Variants in HDLBP observed in about 807,000 individuals in gnomAD.
The protein encoded by HDLBP is high density lipoprotein binding protein.
A neutral mutation model predicts 137.3 loss-of-function variants in HDLBP; 30 were observed. The observed-to-expected ratio is 0.22, with a 90% CI of 0.16 to 0.30. The LOEUF (loss-of-function observed/expected upper bound fraction) is 0.30, where lower values mean the gene tolerates loss of function less well. Ranked by LOEUF, HDLBP falls within the 10% of genes least tolerant of loss-of-function variation. The probability of loss-of-function intolerance (pLI) is 1.00; values close to 1 mark genes in which losing one functional copy is unlikely to be tolerated. For missense variants in HDLBP, 1,119 were observed against 1,667.3 expected, an observed-to-expected ratio of 0.67 and a Z score of 5.73; for synonymous variants, 606 against 596.0, an observed-to-expected ratio of 1.02 and a Z score of -0.24.
intron 1 of HDLBP, among the ~76,000 whole-genome samples, chr2:241,294,129 T>C (rs1275031792): frequency 2.0e-5 from 3 of 152,218 alleles, no homozygotes; most frequent in Non-Finnish European, 2.9e-5. Context: ...TTGTATCTTC[T>C]GGTAGCTCCC....
chr2:241,280,199 A>C, intron 1 of HDLBP: 1 of 826,318 alleles, frequency 1.2e-6, no homozygotes, highest in Non-Finnish European at 1.5e-6. Flanking sequence ...AAAGCTGAAA[A>C]TTTAAAATTA....
Position 241,229,264 on chromosome 2 carries a change from AG to A in HDLBP, c.*336del. 3.6e-6 allele frequency: 1 copy of A among 281,462 alleles called. No homozygotes were observed. The highest frequency in any genetic ancestry group is 6.9e-6 in the Non-Finnish European group (1 of 144,848). The allele number at this position is 281,462 out of a possible 1,614,324, so 17.4% of individuals were successfully genotyped here. ...TATTTCCTGAGGTCATGACACAGGA[AG>A]TGGAATCCTAGCCACGGCTGCGGAG... On this transcript the variant is annotated 3_prime_UTR_variant, in exon 28 of 28. Coordinates refer to ENST00000310931, the MANE Select transcript of HDLBP (RefSeq NM_005336.6).
At chr2:241,232,259 A>G (rs1559473252) in intron 24 of HDLBP, among the ~76,000 whole-genome samples, 1 of 151,526 alleles carries the variant, frequency 6.6e-6, no homozygotes, top group Non-Finnish European at 1.5e-5. Flanking sequence ...GGAATAGTCT[A>G]ATTGCTAAAC....
chr2:241,234,736 C>T (rs1278723734), intron 23 of HDLBP, among the ~76,000 whole-genome samples: 4 of 152,190 alleles, frequency 2.6e-5, no homozygotes, highest in East Asian at 3.9e-4. Flanking sequence ...GGAAGTCATT[C>T]GCCCTTTGAC....
Position 241,230,207 on chromosome 2 carries a change from G to C in HDLBP, c.3537C>G (p.Leu1179=). 2 of 1,613,606 alleles carry C rather than the reference G, an allele frequency of 1.2e-6. No individual in the cohort carries two copies. Among genetic ancestry groups the C allele is most frequent in the Non-Finnish European group, 1.7e-6 (2 of 1,179,684 alleles). Residue 1179 remains leucine, a synonymous_variant, in exon 26 of 28, where the codon CTC becomes CTG. Transcript: ENST00000310931. This position sits in a 1 kb window ranked among gnomAD's most constrained non-coding sequence, Gnocchi z 5.0. ...CGATGGCTTCCTCCACATTCTCTGG[G>C]AGCCCCGTCACAGTGACGCAGTTGG... The part of the protein sequence containing the change: ...PDPNCVTVTG[L]PENVEEAIDH...
At position 241,228,056 on chromosome 2, in the gene HDLBP, G is replaced by A. The variant is rs891846428; in HGVS notation, c.*1545C>T. ...ACTAGACTTGGGCTAAGCCGTCTGGGTCTACTCAAGAATTCGAGTCTGAAG... is the reference window on the plus strand; with the variant it reads ...ACTAGACTTGGGCTAAGCCGTCTGGATCTACTCAAGAATTCGAGTCTGAAG... On this transcript the variant is annotated 3_prime_UTR_variant, in exon 28 of 28. Transcript: ENST00000310931. 2 of 152,248 alleles carry A rather than the reference G, an allele frequency of 1.3e-5. No individual in the cohort carries two copies. Among genetic ancestry groups the A allele is most frequent in the South Asian group, 4.1e-4 (2 of 4,836 alleles). The allele number at this position is 152,248 out of a possible 1,614,324, so 9.4% of individuals were successfully genotyped here.
At chr2:241,310,235 C>A (rs2075719525) in intron 1 of HDLBP, among the ~76,000 whole-genome samples, 1 of 152,084 alleles carries the variant, frequency 6.6e-6, no homozygotes, top group African/African-American at 2.4e-5. Flanking sequence ...ATGAGAAAAA[C>A]CTTGGTAGAA....
rs779334390 is a variant in HDLBP, at chr2:241,235,589, C to T, written c.2910G>A (p.Leu970=). 3 of 1,611,814 alleles carry T rather than the reference C, an allele frequency of 1.9e-6. No homozygotes were observed. The East Asian group carries it at 6.7e-5, about 36-fold the overall frequency. Residue 970 remains leucine (L), a synonymous_variant, in exon 22 of 28, where the codon TTG becomes TTA. Coordinates refer to ENST00000310931, the MANE Select transcript of HDLBP (RefSeq NM_005336.6). ...CCTCTACTTCAATGGTGACAGGAACCAATGCCTGCAGGGAGGATGGTCATG... is the reference window on the plus strand; with the variant it reads ...CCTCTACTTCAATGGTGACAGGAACTAATGCCTGCAGGGAGGATGGTCATG... ...CEAAKEALEA[L]VPVTIEVEVP...
At chr2:241,279,917 C>A (rs1429139943) in intron 1 of HDLBP, 1 of 985,246 alleles carries the variant, frequency 1.0e-6, no homozygotes, top group Non-Finnish European at 1.2e-6. Flanking sequence ...ATGCAGCCTA[C>A]TCCTCTCTTT....
Position 241,256,319 on chromosome 2 carries a change from G to C in HDLBP, c.738C>G (p.Gly246=), listed in dbSNP as rs775484283. The change falls in exon 7 of 28, where the codon GGC becomes GGG. Residue 246 remains glycine, a synonymous_variant. Transcript: ENST00000310931. ...FIAGPYNRLV[G]EIMQETGTRI... Reference sequence around the variant, plus strand: ...GCGTGCCTGTCTCCTGCATGATCTCGCCAACCAGTCTATTATACGGCCCAG... The same window carrying C: ...GCGTGCCTGTCTCCTGCATGATCTCCCCAACCAGTCTATTATACGGCCCAG... The C allele has an allele frequency of 4.7e-5, 76 of 1,613,918 alleles. No homozygotes were observed. In the Middle Eastern group the frequency reaches 8.2e-4, roughly 17 times the overall value.
rs1005872094 is a variant in HDLBP at position 241,272,811 on chromosome 2, C to A, written c.-102-4270G>T. ...GCCGCTGGCTTACTCGCCCCCCGCG[C>A]GGGAGAAGCCGGGACGCTCCGAGGC... On this transcript the variant is annotated intron_variant, in intron 1 of 27. Transcript: ENST00000310931. This position sits in a 1 kb window ranked among gnomAD's most constrained non-coding sequence, Gnocchi z 5.6. The A allele has an allele frequency of 7.4e-6, 2 of 270,524 alleles. No individual in the cohort carries two copies. Among genetic ancestry groups the A allele is most frequent in the African/African-American group, 2.3e-5 (1 of 43,314 alleles). 16.8% of individuals were successfully genotyped at this position (270,524 alleles called of 1,614,324 possible). A position where few individuals can be genotyped will look rare whatever the true frequency, so the allele number is the denominator to read the frequency against.
chr2:241,253,077 T>C (rs748055300), intron 10 of HDLBP, 42 bp from the exon 11 acceptor site: 10 of 1,465,696 alleles, frequency 6.8e-6, no homozygotes, highest in African/African-American at 1.4e-5. Context: ...GCCTGGTTAC[T>C]TGGCCAATGA....
At chr2:241,266,951 A>G (rs1410323295) in intron 2 of HDLBP, 45 bp from the exon 3 acceptor site, 2 of 1,345,724 alleles carry the variant, frequency 1.5e-6, no homozygotes, top group Admixed American at 1.7e-5. Context: ...ACAACCCTCA[A>G]TTATCTATGA....
chr2:241,247,243 G>T, intron 14 of HDLBP, 101 bp from the exon 15 acceptor site: 1 of 740,236 alleles, frequency 1.4e-6, no homozygotes, highest in Non-Finnish European at 2.4e-6. Context: ...ACAGAGCACT[G>T]GTATTTGCAA....
chr2:241,280,978 A>G (rs954920782), intron 1 of HDLBP, among the ~76,000 whole-genome samples: 1 of 152,236 alleles, frequency 6.6e-6, no homozygotes, highest in African/African-American at 2.4e-5. Flanking sequence ...CAATCAGCAC[A>G]TATTTCTACA....
chr2:241,267,839 C>G, intron 2 of HDLBP: 7 of 1,439,580 alleles, frequency 4.9e-6, no homozygotes, highest in Non-Finnish European at 6.4e-6. Flanking sequence ...AGAACTCGCA[C>G]AGCAGGGGAA....
At chr2:241,302,088 CA>C (rs35141608) in intron 1 of HDLBP, among the ~76,000 whole-genome samples, 34,302 of 118,710 alleles carry the variant, frequency 0.29, 4,197 homozygotes, top group African/African-American at 0.34. Flanking sequence ...CCCATCTCTA[CA>C]AAAAAAAAAA....
At chr2:241,268,752 A>G (rs1330432935) in intron 1 of HDLBP, 3 of 152,590 alleles carry the variant, frequency 2.0e-5, no homozygotes, top group Admixed American at 2.0e-4. Flanking sequence ...AACATGAACC[A>G]GCTCCAACTT....
intron 1 of HDLBP, among the ~76,000 whole-genome samples, chr2:241,306,447 C>T (rs927048523): frequency 2.6e-5 from 4 of 151,870 alleles, no homozygotes; most frequent in Non-Finnish European, 5.9e-5. Context: ...TTAGTAGAGA[C>T]GGGGCTTCTC....
Sources: gnomAD v4.1 joint callset for allele counts (sites outside exome capture counted in the v4.1 genomes callset) on GRCh38, gnomAD v4.1.1 for gene constraint, Gnocchi (gnomAD v3.1) non-coding constraint, MANE v1.5 for transcripts, NCBI Gene and HGNC (gene_info 2026-07-23, HGNC 2026-07-21) for gene names.